KCNQ1: variants seen among roughly 807,000 people sequenced by gnomAD.
The protein encoded by KCNQ1 is potassium voltage-gated channel subfamily KQT member 1.
A neutral mutation model predicts 72.4 loss-of-function variants in KCNQ1; 49 were observed. That is an observed-to-expected ratio of 0.68 (90% CI 0.54 to 0.86). The LOEUF (loss-of-function observed/expected upper bound fraction) is 0.86, where lower values mean the gene tolerates loss of function less well. Among genes scored for constraint, KCNQ1 ranks in the 40% least tolerant of loss-of-function variants. The pLI is 0.00. For missense variants in KCNQ1, 790 were observed against 945.1 expected (o/e 0.84, Z 2.15); for synonymous variants, 450 against 412.6 (o/e 1.09, Z -1.10).
In KCNQ1 at chr11:2,711,715, G is replaced by A. The variant is rs1188661080; in HGVS notation, c.1514+49634G>A. Among the ~76,000 whole-genome samples the A allele has an allele frequency of 6.6e-6, 1 of 152,170 alleles. No individual in the cohort carries two copies. The highest frequency in any genetic ancestry group is 2.4e-5 in the African/African-American group (1 of 41,436). The stretch of plus-strand genomic sequence containing the variant: ...CTTAAACTAAGTGAGGTATCTTAAG[G>A]CTTTACCACCAGGGAAATAGAACTT... On this transcript the variant is annotated intron_variant, in intron 11 of 15. Transcript: ENST00000155840. This position sits in a 1 kb window ranked among gnomAD's most constrained non-coding sequence, Gnocchi z 5.4.
chr11:2,577,902 T>A (rs949672240), intron 6 of KCNQ1, among the ~76,000 whole-genome samples: 1 of 150,816 alleles, frequency 6.6e-6, no homozygotes, highest in Non-Finnish European at 1.5e-5. Flanking sequence ...CGGCTCCCCC[T>A]TTCCCAGGCC....
At chr11:2,700,153 CGAAA>C (rs1314485587) in intron 11 of KCNQ1, among the ~76,000 whole-genome samples, 1 of 152,178 alleles carries the variant, frequency 6.6e-6, no homozygotes. Flanking sequence ...TGTCATTGGC[CGAAA>C]GAGTCTCGTT....
chr11:2,800,128 C>G (rs1413009519), intron 15 of KCNQ1, among the ~76,000 whole-genome samples: 1 of 152,188 alleles, frequency 6.6e-6, no homozygotes, highest in Admixed American at 6.5e-5. Context: ...GGGCTCTGAC[C>G]CTGCCCTGTC....
chr11:2,647,616 C>T lies in KCNQ1; in HGVS notation c.1394-14345C>T. On this transcript the variant is annotated intron_variant, in intron 10 of 15. Coordinates refer to ENST00000155840, the MANE Select transcript of KCNQ1 (RefSeq NM_000218.3). This position sits in a 1 kb window ranked among gnomAD's most constrained non-coding sequence, Gnocchi z 4.0. Reference sequence around the variant, plus strand: ...GGTTTGGTAGAATTCAGTAGAAAACCCGTGCAATCCTGAGGTTTTCTTTAC... The same window carrying T: ...GGTTTGGTAGAATTCAGTAGAAAACTCGTGCAATCCTGAGGTTTTCTTTAC... 1 of 398,496 alleles carries T rather than the reference C, an allele frequency of 2.5e-6. No homozygotes were observed. The highest frequency in any genetic ancestry group is 4.4e-6 in the Non-Finnish European group (1 of 226,034). The allele number at this position is 398,496 out of a possible 1,614,324, so 24.7% of individuals were successfully genotyped here.
At chr11:2,554,467 A>AG (rs1848038686) in intron 2 of KCNQ1, among the ~76,000 whole-genome samples, 1 of 152,320 alleles carries the variant, frequency 6.6e-6, no homozygotes, top group South Asian at 2.1e-4. Flanking sequence ...TGAGCAGCTT[A>AG]GGGGCTGTGG....
At chr11:2,520,053 C>G (rs1209911484) in intron 1 of KCNQ1, among the ~76,000 whole-genome samples, 2 of 152,382 alleles carry the variant, frequency 1.3e-5, no homozygotes, top group East Asian at 3.9e-4. Flanking sequence ...GCCCCCACCC[C>G]CCAGGATGAC....
rs866323082 is a variant in KCNQ1, at chr11:2,588,972, G to A, written c.1393+118G>A. On this transcript the variant is annotated intron_variant, in intron 10 of 15. Coordinates refer to ENST00000155840, the MANE Select transcript of KCNQ1 (RefSeq NM_000218.3). This position sits in a 1 kb window ranked among gnomAD's most constrained non-coding sequence, Gnocchi z 5.6. The stretch of plus-strand genomic sequence containing the variant: ...GCTGTGGTCTCTGACAACGAGGTAT[G>A]AACAGACAGAGGGTGGAGCTTCTAG... The A allele has an allele frequency of 4.5e-5, 55 of 1,212,686 alleles. No homozygotes were observed. In the South Asian group the frequency reaches 7.0e-4, roughly 15 times the overall value. The allele number at this position is 1,212,686 out of a possible 1,614,324, so 75.1% of individuals were successfully genotyped here.
intron 15 of KCNQ1, among the ~76,000 whole-genome samples, chr11:2,832,850 C>T (rs1196695097): frequency 6.6e-5 from 10 of 152,118 alleles, no homozygotes; most frequent in East Asian, 1.9e-4. Flanking sequence ...TGGCTGCCAC[C>T]GCCGTGGTCC....
Position 2,698,725 on chromosome 11 carries a change from T to G in KCNQ1, c.1514+36644T>G, listed in dbSNP as rs987807164. On this transcript the variant is annotated intron_variant, in intron 11 of 15. Transcript: ENST00000155840. This position sits in a 1 kb window ranked among gnomAD's most constrained non-coding sequence, Gnocchi z 5.1. ...CCAGACCCTGACTCCAGTCGCCAAC[T>G]CGGACCTCCCTTGGATCTCAACTCA... The G allele has an allele frequency of 2.3e-5, 9 of 398,682 alleles. No homozygotes were observed. Among genetic ancestry groups the G allele is most frequent in the Middle Eastern group, 6.2e-4 (1 of 1,612 alleles). 24.7% of individuals were successfully genotyped at this position (398,682 alleles called of 1,614,324 possible).
rs1848984823 is a variant in KCNQ1, at chr11:2,611,929, T to C, written c.1393+23075T>C. On this transcript the variant is annotated intron_variant, in intron 10 of 15. Transcript: ENST00000155840. The surrounding 1 kb of genome is among the most constrained non-coding windows in gnomAD (Gnocchi z 5.3). Reference sequence around the variant, plus strand: ...GCAGCTTAAGCAAAAACAATCTGCTTCAGGTTAATAATCTACTCAAATATT... The same window carrying C: ...GCAGCTTAAGCAAAAACAATCTGCTCCAGGTTAATAATCTACTCAAATATT... 5.0e-6 allele frequency: 2 copies of C among 398,474 alleles called. No individual in the cohort carries two copies. The highest frequency in any genetic ancestry group is 8.8e-6 in the Non-Finnish European group (2 of 226,064). 24.7% of individuals were successfully genotyped at this position (398,474 alleles called of 1,614,324 possible). A position where few individuals can be genotyped will look rare whatever the true frequency, so the allele number is the denominator to read the frequency against.
chr11:2,778,783 G>A (rs1461183253), intron 15 of KCNQ1, among the ~76,000 whole-genome samples: 1 of 152,238 alleles, frequency 6.6e-6, no homozygotes, highest in Non-Finnish European at 1.5e-5. Context: ...AAAAATAGAG[G>A]AGTTTCAGTT....
intron 15 of KCNQ1, among the ~76,000 whole-genome samples, chr11:2,796,150 A>G (rs1210749395): frequency 2.0e-5 from 3 of 152,234 alleles, no homozygotes; most frequent in Non-Finnish European, 2.9e-5. Flanking sequence ...CCCGGCATGC[A>G]TGAAAACATA....
rs1847966102 is a variant in KCNQ1, at chr11:2,832,192, GC to G, written c.1795-15571del. On this transcript the variant is annotated intron_variant, in intron 15 of 15. Coordinates refer to ENST00000155840, the MANE Select transcript of KCNQ1 (RefSeq NM_000218.3). ...CCCAGCACCCCTGAGGGAAGGCCTG[GC>G]CCCTCAGGCACAGTGGGGGTTGCCC... Among the ~76,000 whole-genome samples, 3 of 152,300 alleles carry G rather than the reference GC, an allele frequency of 2.0e-5. No individual in the cohort carries two copies. The South Asian group carries it at 6.2e-4, about 32-fold the overall frequency.
intron 11 of KCNQ1, chr11:2,692,584 C>A (rs1212988293): frequency 1.3e-5 from 5 of 398,656 alleles, no homozygotes; most frequent in Non-Finnish European, 1.8e-5. Flanking sequence ...TTTTTCAGAC[C>A]CCAGGCTAGT....
intron 1 of KCNQ1, among the ~76,000 whole-genome samples, chr11:2,501,946 A>G (rs1847020738): frequency 6.6e-6 from 1 of 152,234 alleles, no homozygotes; most frequent in African/African-American, 2.4e-5. Flanking sequence ...GGACAAAACC[A>G]CATGAGCATT....
Position 2,759,964 on chromosome 11 carries a change from G to A in KCNQ1, c.1515-8880G>A, listed in dbSNP as rs111816400. On this transcript the variant is annotated intron_variant, in intron 11 of 15. Transcript: ENST00000155840. This position sits in a 1 kb window ranked among gnomAD's most constrained non-coding sequence, Gnocchi z 4.4. ...GATCTGCCTGGATGGAGGCCAGGCCGCTGAGCTGCTGGGAATCTGTTCCAC... is the reference window on the plus strand; with the variant it reads ...GATCTGCCTGGATGGAGGCCAGGCCACTGAGCTGCTGGGAATCTGTTCCAC... Among the ~76,000 whole-genome samples, 136 of 152,340 alleles carry A rather than the reference G, an allele frequency of 8.9e-4. 2 individuals are homozygous for A. In the East Asian group the frequency reaches 0.019, roughly 21 times the overall value.
rs1195445431 is a variant in KCNQ1 at position 2,478,875 on chromosome 11, G to A, written c.386+33391G>A. Among the ~76,000 whole-genome samples the A allele has an allele frequency of 3.3e-5, 5 of 152,226 alleles. No individual in the cohort carries two copies. The East Asian group carries it at 9.6e-4, about 29-fold the overall frequency. On this transcript the variant is annotated intron_variant, in intron 1 of 15. Transcript: ENST00000155840. The surrounding 1 kb of genome is among the most constrained non-coding windows in gnomAD (Gnocchi z 4.0). Reference sequence around the variant, plus strand: ...TATGAGCCTGTAAAATCAAAAGCAAGTTAGTTAATTCCTAGACACAATTAG... The same window carrying A: ...TATGAGCCTGTAAAATCAAAAGCAAATTAGTTAATTCCTAGACACAATTAG...
chr11:2,629,797 A>C (rs1367669887), intron 10 of KCNQ1: 1 of 398,196 alleles, frequency 2.5e-6, no homozygotes, highest in Non-Finnish European at 4.4e-6. Flanking sequence ...TTACTGAGTT[A>C]GATTATTACT....
chr11:2,661,827 CTGAT>C lies in KCNQ1; in HGVS notation c.1394-131_1394-128del. 4 of 1,016,098 alleles carry C rather than the reference CTGAT, an allele frequency of 3.9e-6. No homozygotes were observed. The highest frequency in any genetic ancestry group is 6.1e-6 in the Non-Finnish European group (4 of 656,364). 62.9% of individuals were successfully genotyped at this position (1,016,098 alleles called of 1,614,324 possible). On this transcript the variant is annotated intron_variant, in intron 10 of 15. Coordinates refer to ENST00000155840, the MANE Select transcript of KCNQ1 (RefSeq NM_000218.3). This position sits in a 1 kb window ranked among gnomAD's most constrained non-coding sequence, Gnocchi z 5.9. ...CCCACCCCAACACCCAACTATAAAA[CTGAT>C]TGTCAGGGCTGGAGCTTCCAGGCAC...
Sources: allele counts gnomAD v4.1 joint callset (sites outside exome capture counted in the v4.1 genomes callset), GRCh38; gene constraint gnomAD v4.1.1; non-coding constraint Gnocchi (gnomAD v3.1); transcripts MANE v1.5; gene names NCBI Gene and HGNC (gene_info 2026-07-23, HGNC 2026-07-21).